RGS5: variants seen among roughly 807,000 people sequenced by gnomAD.
RGS5 encodes regulator of G-protein signalling 5.
RGS5 carries 20 observed loss-of-function variants against 18.9 expected under a neutral mutation model. The observed-to-expected ratio is 1.06, with a 90% CI of 0.74 to 1.54. RGS5 has a LOEUF of 1.54. Ranked by LOEUF, RGS5 falls within the 40% of genes most tolerant of loss-of-function variation. The pLI is 0.00. For synonymous variants in RGS5, 57 were observed against 76.2 expected, an observed-to-expected ratio of 0.75 and a Z score of 1.31; for missense variants, 201 against 211.8, an observed-to-expected ratio of 0.95 and a Z score of 0.32.
chr1:163,152,428 G>C, intron 4 of RGS5, 122 bp downstream of exon 4: 1 of 974,968 alleles, frequency 1.0e-6, no homozygotes, highest in Non-Finnish European at 1.5e-6. Context: ...TGCTTAATAA[G>C]GTGGTCGACT....
chr1:163,278,092 T>G (rs1648902404), intron 2 of RGS5, among the ~76,000 whole-genome samples: 1 of 151,966 alleles, frequency 6.6e-6, no homozygotes, highest in Non-Finnish European at 1.5e-5. Flanking sequence ...ATAGAAAACC[T>G]ATTTAATAAA....
intron 1 of RGS5, among the ~76,000 whole-genome samples, chr1:163,178,821 G>C (rs1571247319): frequency 6.6e-6 from 1 of 152,150 alleles, no homozygotes; most frequent in South Asian, 2.1e-4. Flanking sequence ...ATGTGGTGAA[G>C]TTTCCATTAC....
chr1:163,317,484 C>G (rs1047293372), intron 1 of RGS5, among the ~76,000 whole-genome samples: 3 of 152,218 alleles, frequency 2.0e-5, no homozygotes, highest in African/African-American at 7.2e-5. Context: ...CCAGTATAAA[C>G]TGCCATCTTT....
chr1:163,320,994 CA>C lies in RGS5; in HGVS notation c.-378+627del, dbSNP rs545124970. On this transcript the variant is annotated intron_variant, in intron 1 of 5. Transcript: ENST00000618415. ...AGTCCTATTACGTCTTCTCCTGTCC[CA>C]AACCTCAATAAAACTTAATGGCTTT... Among the ~76,000 whole-genome samples the C allele has an allele frequency of 2.6e-5, 4 of 152,314 alleles. No individual in the cohort carries two copies. The South Asian group carries it at 8.3e-4, about 32-fold the overall frequency.
At chr1:163,264,808 C>T (rs1648535406) in intron 2 of RGS5, among the ~76,000 whole-genome samples, 1 of 152,060 alleles carries the variant, frequency 6.6e-6, no homozygotes. Context: ...TTTAAATCCT[C>T]CTATTTTCTC....
chr1:163,168,357 A>G lies in RGS5; in HGVS notation c.56T>C (p.Ile19Thr), dbSNP rs1270633977. 1.2e-6 allele frequency: 2 copies of G among 1,613,238 alleles called. No homozygotes were observed. Among genetic ancestry groups the G allele is most frequent in the African/African-American group, 2.7e-5 (2 of 74,890 alleles). ...PHSCLERAKE[I>T]KIKLGILLQK... ...GAGGAGAATTCCCAACTTGATCTTA[A>G]TCTCCTTGGCCCTGAAAGAAGAGAC... Residue 19 changes from isoleucine (I) to threonine (T), a missense_variant, in exon 2 of 5, where the codon ATT becomes ACT. Coordinates refer to ENST00000313961, the MANE Select transcript of RGS5 (RefSeq NM_003617.4).
intron 1 of RGS5, among the ~76,000 whole-genome samples, chr1:163,168,597 C>T (rs1658162437): frequency 6.6e-6 from 1 of 152,016 alleles, no homozygotes; most frequent in Non-Finnish European, 1.5e-5. Context: ...ACATTTTAAT[C>T]CTCATTATTG....
rs1449298182 is a variant in RGS5, at chr1:163,280,939, G to A, written c.-281+25294C>T. Among the ~76,000 whole-genome samples, 3 of 152,114 alleles carry A rather than the reference G, an allele frequency of 2.0e-5. No homozygotes were observed. The South Asian group carries it at 6.2e-4, about 31-fold the overall frequency. ...ACCTGAGACTAGGTAATATGGTTTG[G>A]TTCTGCATCCCCACCCAAATCTAAT... On this transcript the variant is annotated intron_variant, in intron 2 of 5. Coordinates refer to the RGS5 transcript ENST00000618415.
intron 2 of RGS5, among the ~76,000 whole-genome samples, chr1:163,238,278 G>A (rs554781761): frequency 6.6e-6 from 1 of 152,242 alleles, no homozygotes; most frequent in South Asian, 2.1e-4. Context: ...TATTTGGAAA[G>A]GTCCAAACAC....
chr1:163,320,887 C>CT (rs919421365), intron 1 of RGS5, among the ~76,000 whole-genome samples: 91 of 152,272 alleles, frequency 6.0e-4, no homozygotes, highest in African/African-American at 2.2e-3. Flanking sequence ...CTTTCTAGCA[C>CT]TTTTTTCACA....
At chr1:163,254,024 C>T (rs1013341167) in intron 2 of RGS5, among the ~76,000 whole-genome samples, 4 of 150,742 alleles carry the variant, frequency 2.7e-5, no homozygotes, top group Admixed American at 1.3e-4. Flanking sequence ...TGTATATGTG[C>T]CACATTTTCT....
chr1:163,202,961 C>T, upstream of RGS5: 1 of 821,628 alleles, frequency 1.2e-6, no homozygotes, highest in Non-Finnish European at 1.9e-6. Context: ...TCTTTCCCAG[C>T]CCTCTGTTGC....
rs1657066219 is a variant in RGS5 at position 163,144,804 on chromosome 1, A to G, written c.*2538T>C. 6.6e-6 allele frequency: 1 copy of G among 152,572 alleles called. No individual in the cohort carries two copies. The highest frequency in any genetic ancestry group is 6.6e-5 in the Admixed American group (1 of 15,266). 9.5% of individuals were successfully genotyped at this position (152,572 alleles called of 1,614,324 possible). The stretch of plus-strand genomic sequence containing the variant: ...TTTTTTCCCTCTTTTCTAAGTTTCC[A>G]AAAACTTTCAGAAGTGTTCAAAGAA... On this transcript the variant is annotated 3_prime_UTR_variant, in exon 5 of 5. Transcript: ENST00000313961.
At chr1:163,219,437 G>A (rs139791780), upstream of RGS5, among the ~76,000 whole-genome samples, 97 of 152,206 alleles carry the variant, frequency 6.4e-4, no homozygotes, top group East Asian at 0.018. Flanking sequence ...TTTAATTGTT[G>A]TATAAGCAGA....
At chr1:163,309,950 TA>T (rs1268140774) in intron 1 of RGS5, among the ~76,000 whole-genome samples, 2 of 152,224 alleles carry the variant, frequency 1.3e-5, no homozygotes, top group Non-Finnish European at 2.9e-5. Flanking sequence ...AATCTCCTTG[TA>T]AATCTCAATC....
intron 1 of RGS5, among the ~76,000 whole-genome samples, chr1:163,214,606 C>A (rs569889331): frequency 6.6e-6 from 1 of 152,108 alleles, no homozygotes; most frequent in Non-Finnish European, 1.5e-5. Flanking sequence ...CTTAATCTCA[C>A]CCCTACCACC....
intron 2 of RGS5, among the ~76,000 whole-genome samples, chr1:163,248,028 C>T (rs1403143971): frequency 6.6e-6 from 1 of 152,156 alleles, no homozygotes; most frequent in African/African-American, 2.4e-5. Flanking sequence ...AAGGGTATCT[C>T]ATAAATATGT....
At chr1:163,245,573 C>G (rs1647906468) in intron 2 of RGS5, among the ~76,000 whole-genome samples, 1 of 152,106 alleles carries the variant, frequency 6.6e-6, no homozygotes, top group Non-Finnish European at 1.5e-5. Flanking sequence ...ATCTGAAATG[C>G]CTGGCATAGT....
At chr1:163,155,604 C>G (rs945664901) in intron 3 of RGS5, among the ~76,000 whole-genome samples, 11 of 152,180 alleles carry the variant, frequency 7.2e-5, no homozygotes, top group Non-Finnish European at 1.6e-4. Context: ...CTTCCTCAGC[C>G]ACTATCTCTG....
Sources: allele counts gnomAD v4.1 joint callset (sites outside exome capture counted in the v4.1 genomes callset), GRCh38; gene constraint gnomAD v4.1.1; transcripts MANE v1.5; gene names NCBI Gene and HGNC (gene_info 2026-07-23, HGNC 2026-07-21).